TRAF2: variants seen among roughly 807,000 people sequenced by gnomAD.
TRAF2 encodes TNF receptor associated factor 2.
TRAF2 carries 6 observed loss-of-function variants against 55.6 expected under a neutral mutation model. That is an observed-to-expected ratio of 0.11 (90% confidence interval 0.06 to 0.21). The LOEUF (loss-of-function observed/expected upper bound fraction) is 0.21. Ranked by LOEUF, TRAF2 falls within the 10% of genes least tolerant of loss-of-function variation. The pLI, the probability that TRAF2 is intolerant of heterozygous loss-of-function variation, is 1.00. For synonymous variants in TRAF2, 329 were observed against 276.3 expected, an observed-to-expected ratio of 1.19 and a Z score of -1.89; for missense variants, 561 against 684.5, an observed-to-expected ratio of 0.82 and a Z score of 2.01.
At position 136,906,116 on chromosome 9, in the gene TRAF2, A is replaced by G. The variant is rs540212876; in HGVS notation, c.367-1954A>G. 7.9e-5 allele frequency among the ~76,000 whole-genome samples: 12 copies of G among 152,004 alleles called. No individual in the cohort carries two copies. The East Asian group carries it at 2.1e-3, about 27-fold the overall frequency. ...TTCCATCTCAAAACAAAAACAAAAAACCAAGATGGCTCTGCCAAAAATACA... is the reference window on the plus strand; with the variant it reads ...TTCCATCTCAAAACAAAAACAAAAAGCCAAGATGGCTCTGCCAAAAATACA... On this transcript the variant is annotated intron_variant, in intron 4 of 10. Transcript: ENST00000247668.
At position 136,910,107 on chromosome 9, in the gene TRAF2, C is replaced by T. The variant is rs1017117606; in HGVS notation, c.603+113C>T. ...ATGACCCTTGTGCCCAAAGGAACAG[C>T]AGTGCAAAGCCCCTGTAACGTTGGG... On this transcript the variant is annotated intron_variant, in intron 6 of 10. Transcript: ENST00000247668. 9.2e-5 allele frequency: 104 copies of T among 1,132,012 alleles called. 5 individuals carry two copies. Among genetic ancestry groups the T allele is most frequent in the South Asian group, 9.2e-5 (7 of 75,818 alleles). 70.1% of individuals were successfully genotyped at this position (1,132,012 alleles called of 1,614,324 possible).
In TRAF2 at chr9:136,916,525, C is replaced by T. The variant is rs760285267; in HGVS notation, c.604-16C>T. ...AGAACAGAGAAAGATGGCTCTGTGA[C>T]GTCACTCCCTTGTAGTTTCAGGACC... is the stretch of plus-strand genomic sequence containing the variant. On this transcript the variant is annotated splice_polypyrimidine_tract_variant and intron_variant, in intron 6 of 10. Transcript: ENST00000247668. 1.1e-5 allele frequency: 17 copies of T among 1,613,258 alleles called. 1 individual carries two copies. Among genetic ancestry groups the T allele is most frequent in the Middle Eastern group, 1.6e-4 (1 of 6,078 alleles).
At chr9:136,902,609 C>G (rs1849847359) in intron 4 of TRAF2, among the ~76,000 whole-genome samples, 1 of 152,192 alleles carries the variant, frequency 6.6e-6, no homozygotes, top group Non-Finnish European at 1.5e-5. Context: ...TGGAAAGTCC[C>G]TGAGAGGAGC....
chr9:136,904,780 G>GAATAGTTGCTTCATAAAAGCCGT (rs11272754), intron 4 of TRAF2, among the ~76,000 whole-genome samples: 2 of 151,762 alleles, frequency 1.3e-5, no homozygotes, highest in African/African-American at 2.4e-5. Context: ...TCATAAGCCA[G>GAATAGTTGCTTCATAAAAGCCGT]AATAGTTGCT....
At chr9:136,900,709 G>A (rs1849801057) in intron 4 of TRAF2, 189 bp downstream of exon 4, 2 of 640,994 alleles carry the variant, frequency 3.1e-6, no homozygotes, top group Non-Finnish European at 3.0e-6. Flanking sequence ...GTAGTGCAGA[G>A]CACAGACCTG....
intron 7 of TRAF2, among the ~76,000 whole-genome samples, chr9:136,919,446 C>T (rs1433655139): frequency 6.6e-6 from 1 of 151,972 alleles, no homozygotes; most frequent in Admixed American, 6.6e-5. Flanking sequence ...CAGGCGTGCA[C>T]CACCACGCCC....
At chr9:136,891,211 C>T (rs1489130212) in intron 1 of TRAF2, among the ~76,000 whole-genome samples, 2 of 152,186 alleles carry the variant, frequency 1.3e-5, no homozygotes, top group Admixed American at 6.5e-5. Flanking sequence ...CAGGTTTGAG[C>T]GATTCTTCTG....
intron 4 of TRAF2, chr9:136,901,993 CTG>C (rs1849831862): frequency 6.6e-6 from 1 of 152,304 alleles, no homozygotes; most frequent in African/African-American, 2.4e-5. Context: ...CCAGCTGTGT[CTG>C]GGGTGAACAA....
chr9:136,893,122 G>A (rs895346386), intron 1 of TRAF2, among the ~76,000 whole-genome samples: 1 of 152,162 alleles, frequency 6.6e-6, no homozygotes, highest in Non-Finnish European at 1.5e-5. Context: ...GCATCTGTGA[G>A]CTCCGGAACA....
chr9:136,899,069 G>A, intron 2 of TRAF2, 141 bp downstream of exon 2: 1 of 814,872 alleles, frequency 1.2e-6, no homozygotes, highest in South Asian at 1.9e-5. Context: ...GGATTTCGGA[G>A]GTTTACCACA....
At chr9:136,887,353 C>G (rs1849476864) in intron 1 of TRAF2, among the ~76,000 whole-genome samples, 1 of 152,208 alleles carries the variant, frequency 6.6e-6, no homozygotes, top group Non-Finnish European at 1.5e-5. Context: ...GGAGTCACAG[C>G]GCCCATGGCC....
intron 1 of TRAF2, among the ~76,000 whole-genome samples, chr9:136,889,160 CTTTT>C (rs964044142): frequency 6.7e-6 from 1 of 150,260 alleles, no homozygotes; most frequent in African/African-American, 2.5e-5. Context: ...CACTGAGGGG[CTTTT>C]TTACGTTAAA....
At chr9:136,891,746 A>T (rs1849585046) in intron 1 of TRAF2, among the ~76,000 whole-genome samples, 1 of 151,244 alleles carries the variant, frequency 6.6e-6, no homozygotes, top group African/African-American at 2.4e-5. Flanking sequence ...TTTGAGACGA[A>T]GTTTCGCTCT....
At chr9:136,895,097 AGAG>A (rs1454456828) in intron 1 of TRAF2, among the ~76,000 whole-genome samples, 3 of 152,134 alleles carry the variant, frequency 2.0e-5, no homozygotes, top group Admixed American at 1.3e-4. Context: ...GGCAGAGGTG[AGAG>A]GAGAAGGGCC....
chr9:136,898,701 G>T lies in TRAF2; in HGVS notation c.-28-12G>T. ...GGAATTGAGGTGTAACGTGCTGTGT[G>T]TTCTTCCTTAGGGCTTTGTTCGCGG... On this transcript the variant is annotated splice_polypyrimidine_tract_variant and intron_variant, in intron 1 of 10. Coordinates refer to ENST00000247668, the MANE Select transcript of TRAF2 (RefSeq NM_021138.4). The T allele has an allele frequency of 6.2e-7, 1 of 1,611,644 alleles. No homozygotes were observed.
intron 4 of TRAF2, among the ~76,000 whole-genome samples, chr9:136,901,551 TAG>T (rs952894625): frequency 1.3e-5 from 2 of 152,174 alleles, no homozygotes; most frequent in African/African-American, 2.4e-5. Context: ...GGGCCACCCT[TAG>T]AGTCATCAGA....
chr9:136,904,101 C>T (rs541163545), intron 4 of TRAF2, among the ~76,000 whole-genome samples: 100 of 152,204 alleles, frequency 6.6e-4, no homozygotes, highest in Non-Finnish European at 1.3e-3. Flanking sequence ...TGCCAGCCTT[C>T]GCCAGCCTAC....
At chr9:136,917,684 T>C (rs1466767531) in intron 7 of TRAF2, among the ~76,000 whole-genome samples, 1 of 152,218 alleles carries the variant, frequency 6.6e-6, no homozygotes, top group African/African-American at 2.4e-5. Flanking sequence ...AGTTGCTGAC[T>C]TGATTCTATG....
upstream of TRAF2, chr9:136,886,270 G>A: frequency 2.3e-6 from 1 of 433,552 alleles, no homozygotes; most frequent in Non-Finnish European, 3.1e-6. Context: ...AAAAGCAGAG[G>A]GCGACTTAGG....
Sources: gnomAD v4.1 joint callset for allele counts (sites outside exome capture counted in the v4.1 genomes callset) on GRCh38, gnomAD v4.1.1 for gene constraint, MANE v1.5 for transcripts, NCBI Gene and HGNC (gene_info 2026-07-23, HGNC 2026-07-21) for gene names.